The following OR2L13 variants were observed in gnomAD, a reference collection of about 807,000 sequenced individuals.
OR2L13 encodes the protein olfactory receptor 2L13.
A neutral mutation model predicts 15.3 loss-of-function variants in OR2L13; 14 were observed. The ratio of observed to expected loss-of-function variants is 0.91; its 90% CI spans 0.60 to 1.43. The LOEUF is 1.43. Among genes scored for constraint, OR2L13 ranks in the 40% most tolerant of loss-of-function variants. OR2L13 has a pLI of 0.00. For synonymous variants in OR2L13, 152 were observed against 142.9 expected, an observed-to-expected ratio of 1.06 and a Z score of -0.45; for missense variants, 367 against 387.9, an observed-to-expected ratio of 0.95 and a Z score of 0.45.
At chr1:248,000,949 T>A in the OR2L13 span, among the ~76,000 whole-genome samples, 1 of 152,236 alleles carries the variant, frequency 6.6e-6, no homozygotes, top group Non-Finnish European at 1.5e-5. Flanking sequence ...TTCTTTTCCT[T>A]TTGTTTTGGG....
chr1:248,094,463 A>G (rs1263417011), upstream of OR2L13, among the ~76,000 whole-genome samples: 1 of 152,164 alleles, frequency 6.6e-6, no homozygotes, highest in African/African-American at 2.4e-5. Context: ...ATTCTATTTA[A>G]TTATTAGAAT....
At chr1:248,023,062 T>C in the OR2L13 span, 6 of 576,324 alleles carry the variant, frequency 1.0e-5, no homozygotes, top group Non-Finnish European at 1.7e-5. Context: ...CTATTTTGTT[T>C]CTGTTTGTGT....
upstream of OR2L13, among the ~76,000 whole-genome samples, chr1:248,095,516 T>A (rs1664711882): frequency 6.6e-6 from 1 of 151,826 alleles, no homozygotes; most frequent in Non-Finnish European, 1.5e-5. Flanking sequence ...ATTGATAGCC[T>A]GATATACTAT....
the OR2L13 span, among the ~76,000 whole-genome samples, chr1:247,982,288 C>T: frequency 6.6e-6 from 1 of 152,170 alleles, no homozygotes; most frequent in Non-Finnish European, 1.5e-5. Context: ...AAGTCTATCA[C>T]TAGGTCATTG....
chr1:247,960,241 G>T, the OR2L13 span, among the ~76,000 whole-genome samples: 256 of 152,272 alleles, frequency 1.7e-3, 1 homozygote, highest in African/African-American at 6.0e-3. Flanking sequence ...AGCAGCGGAG[G>T]CTGCAGAACA....
the OR2L13 span, among the ~76,000 whole-genome samples, chr1:247,976,196 G>A: frequency 0.047 from 7,096 of 152,164 alleles, 503 homozygotes; most frequent in African/African-American, 0.16. Flanking sequence ...GATTCTATAG[G>A]AGTTACAGTC....
At chr1:248,025,050 T>G in the OR2L13 span, among the ~76,000 whole-genome samples, 1 of 151,952 alleles carries the variant, frequency 6.6e-6, no homozygotes, top group African/African-American at 2.4e-5. Flanking sequence ...AAGGACTTCA[T>G]GTCTAAAACA....
the OR2L13 span, among the ~76,000 whole-genome samples, chr1:247,963,530 C>A: frequency 6.6e-6 from 1 of 152,114 alleles, no homozygotes; most frequent in Non-Finnish European, 1.5e-5. Flanking sequence ...CAGGAATATT[C>A]AAGGGCATTT....
the OR2L13 span, among the ~76,000 whole-genome samples, chr1:248,031,970 C>T: frequency 3.3e-5 from 5 of 151,878 alleles, no homozygotes; most frequent in Admixed American, 3.3e-4. Context: ...TCATCGACTG[C>T]CCTATATAAA....
At chr1:248,019,033 G>A in the OR2L13 span, among the ~76,000 whole-genome samples, 4,783 of 151,952 alleles carry the variant, frequency 0.031, 227 homozygotes, top group African/African-American at 0.11. Flanking sequence ...ATTTTTTATT[G>A]ATTTCTCTGT....
At chr1:248,099,562 A>T in exon 3 of OR2L13, 1 of 1,614,000 alleles carries the variant, frequency 6.2e-7, no homozygotes, top group Non-Finnish European at 8.5e-7. Flanking sequence ...CTTTCTTCTC[A>T]GCCAGCTCTC....
At chr1:247,970,618 A>T in the OR2L13 span, among the ~76,000 whole-genome samples, 1 of 152,156 alleles carries the variant, frequency 6.6e-6, no homozygotes, top group African/African-American at 2.4e-5. Context: ...TTTTATAAAG[A>T]TTTTTTATTT....
chr1:248,073,872 A>C, the OR2L13 span, among the ~76,000 whole-genome samples: 2 of 151,906 alleles, frequency 1.3e-5, no homozygotes, highest in Non-Finnish European at 2.9e-5. Flanking sequence ...ATAAATATTA[A>C]CTCTATAAAG....
At chr1:247,942,555 A>G in the OR2L13 span, among the ~76,000 whole-genome samples, 38 of 152,264 alleles carry the variant, frequency 2.5e-4, no homozygotes, top group East Asian at 6.4e-3. Context: ...GACATTTATG[A>G]AAATAATTTG....
At chr1:247,950,602 A>C in the OR2L13 span, among the ~76,000 whole-genome samples, 9 of 152,176 alleles carry the variant, frequency 5.9e-5, no homozygotes, top group African/African-American at 2.2e-4. Context: ...TTTCCCAATA[A>C]ATGTTCTTGG....
At chr1:248,003,667 T>C in the OR2L13 span, 1 of 1,612,372 alleles carries the variant, frequency 6.2e-7, no homozygotes, top group Non-Finnish European at 8.5e-7. Flanking sequence ...TCTTCTGTGA[T>C]GTCCCAGCAA....
the OR2L13 span, among the ~76,000 whole-genome samples, chr1:248,044,222 C>G: frequency 1.3e-5 from 2 of 152,116 alleles, no homozygotes; most frequent in African/African-American, 4.8e-5. Context: ...AAGATTGTAG[C>G]CTCCCAGTGC....
At chr1:247,938,769 A>G in the OR2L13 span, among the ~76,000 whole-genome samples, 2 of 152,208 alleles carry the variant, frequency 1.3e-5, no homozygotes, top group Non-Finnish European at 2.9e-5. Context: ...TTGGAAGTGG[A>G]AAGTAAGATA....
chr1:248,031,525 A>G, the OR2L13 span, among the ~76,000 whole-genome samples: 3 of 152,276 alleles, frequency 2.0e-5, no homozygotes, highest in African/African-American at 4.8e-5. Flanking sequence ...GGTGTGAATG[A>G]CATGCAGGGG....
Sources: gnomAD v4.1 joint callset for allele counts (sites outside exome capture counted in the v4.1 genomes callset) on GRCh38, gnomAD v4.1.1 for gene constraint, MANE v1.5 for transcripts, NCBI Gene and HGNC (gene_info 2026-07-23, HGNC 2026-07-21) for gene names.